The following LRRN1 variants were observed in gnomAD, a reference collection of about 807,000 sequenced individuals.
LRRN1 encodes leucine-rich repeat neuronal protein 1.
Under a neutral mutation model 45.8 loss-of-function variants are expected in LRRN1, and 14 were observed. That is an observed-to-expected ratio of 0.31 (90% CI 0.20 to 0.48). LRRN1 has a LOEUF of 0.48. Ranked by LOEUF, LRRN1 falls within the 20% of genes least tolerant of loss-of-function variation. The pLI is 0.99. For missense variants in LRRN1, 789 were observed against 874.2 expected, an observed-to-expected ratio of 0.90 and a Z score of 1.23; for synonymous variants, 359 against 330.1, an observed-to-expected ratio of 1.09 and a Z score of -0.95.
intron 1 of LRRN1, among the ~76,000 whole-genome samples, chr3:3,830,593 G>A (rs1222269599): frequency 6.6e-6 from 1 of 152,188 alleles, no homozygotes; most frequent in Admixed American, 6.5e-5. Flanking sequence ...ACTGATCATA[G>A]GGAACTCCCC....
intron 1 of LRRN1, among the ~76,000 whole-genome samples, chr3:3,814,453 G>A (rs1337304652): frequency 6.6e-6 from 1 of 151,850 alleles, no homozygotes; most frequent in Non-Finnish European, 1.5e-5. Context: ...TCCTGCGGTA[G>A]CTCACTCAGG....
chr3:3,843,284 C>T lies in LRRN1; in HGVS notation c.-278-1080C>T, dbSNP rs142667559. On this transcript the variant is annotated intron_variant, in intron 1 of 1. Coordinates refer to ENST00000319331, the MANE Select transcript of LRRN1 (RefSeq NM_020873.7). ...GACATTCTCACGAGATTAATGAGATCATCTGTGTGAGATACAAATACATCT... is the reference window on the plus strand; with the variant it reads ...GACATTCTCACGAGATTAATGAGATTATCTGTGTGAGATACAAATACATCT... 1.2e-4 allele frequency among the ~76,000 whole-genome samples: 18 copies of T among 152,276 alleles called. No individual in the cohort carries two copies. The East Asian group carries it at 3.3e-3, about 28-fold the overall frequency.
Position 3,849,352 on chromosome 3 carries a change from A to T in LRRN1, c.*2560A>T, listed in dbSNP as rs1205393261. Among the ~76,000 whole-genome samples, 1 of 152,244 alleles carries T rather than the reference A, an allele frequency of 6.6e-6. No homozygotes were observed. The highest frequency in any genetic ancestry group is 2.4e-5 in the African/African-American group (1 of 41,468). ...AAAAACCCCTTTTACATTTTTCTTC[A>T]GTAAAGTACTGGAACTTACTTTTCC... On this transcript the variant is annotated 3_prime_UTR_variant, in exon 2 of 2. Coordinates refer to ENST00000319331, the MANE Select transcript of LRRN1 (RefSeq NM_020873.7).
At chr3:3,822,179 A>G (rs1433101847) in intron 1 of LRRN1, among the ~76,000 whole-genome samples, 2 of 152,168 alleles carry the variant, frequency 1.3e-5, no homozygotes, top group Non-Finnish European at 2.9e-5. Flanking sequence ...GATGGCATTC[A>G]CCTCATAGCG....
At chr3:3,839,390 T>C (rs1021475682) in intron 1 of LRRN1, among the ~76,000 whole-genome samples, 2 of 152,194 alleles carry the variant, frequency 1.3e-5, no homozygotes, top group Admixed American at 1.3e-4. Context: ...TCTTGATTAC[T>C]GTTGCCTTAC....
rs1216694155 is a variant in LRRN1, at chr3:3,848,258, T to C, written c.*1466T>C. Among the ~76,000 whole-genome samples the C allele has an allele frequency of 1.3e-5, 2 of 152,168 alleles. No individual in the cohort carries two copies. Among genetic ancestry groups the C allele is most frequent in the East Asian group, 3.9e-4 (2 of 5,192 alleles). ...AGTTCAAACTTTTCATCCAAATATA[T>C]ATAGACAGTTTTGGAGAATTGTTTC... is the stretch of plus-strand genomic sequence containing the variant. On this transcript the variant is annotated 3_prime_UTR_variant, in exon 2 of 2. Coordinates refer to ENST00000319331, the MANE Select transcript of LRRN1 (RefSeq NM_020873.7).
intron 1 of LRRN1, among the ~76,000 whole-genome samples, chr3:3,823,334 G>C (rs1693144366): frequency 6.6e-6 from 1 of 151,742 alleles, no homozygotes; most frequent in South Asian, 2.1e-4. Flanking sequence ...ATATCTCTAT[G>C]CATCTATTTC....
At position 3,845,448 on chromosome 3, in the gene LRRN1, C is replaced by T. The variant is rs374423494; in HGVS notation, c.807C>T (p.Asp269=). The change falls in exon 2 of 2, where the codon GAC becomes GAT. Residue 269 remains aspartate, a synonymous_variant. Transcript: ENST00000319331. This position sits in a 1 kb window ranked among gnomAD's most constrained non-coding sequence, Gnocchi z 6.5. Reference sequence around the variant, plus strand: ...AAGTTCCAAATTTGAAATTCTTAGACCTCAACAAAAACCCCATTCACAAAA... The same window carrying T: ...AAGTTCCAAATTTGAAATTCTTAGATCTCAACAAAAACCCCATTCACAAAA... The part of the protein sequence containing the change: ...LQKVPNLKFL[D]LNKNPIHKIQ... 1.9e-6 allele frequency: 3 copies of T among 1,613,970 alleles called. No individual in the cohort carries two copies. In the African/African-American group the frequency reaches 4.0e-5, roughly 22 times the overall value.
At chr3:3,809,830 A>G (rs534189987) in intron 1 of LRRN1, among the ~76,000 whole-genome samples, 1 of 152,332 alleles carries the variant, frequency 6.6e-6, no homozygotes, top group South Asian at 2.1e-4. Context: ...TCCTCTTCCA[A>G]GGTACATACT....
At chr3:3,803,878 A>C (rs2106449135) in intron 1 of LRRN1, among the ~76,000 whole-genome samples, 1 of 152,320 alleles carries the variant, frequency 6.6e-6, no homozygotes, top group East Asian at 1.9e-4. Context: ...TGCTTTACAG[A>C]TCTGTTACAG....
chr3:3,810,543 G>A (rs1430899307), intron 1 of LRRN1, among the ~76,000 whole-genome samples: 1 of 152,144 alleles, frequency 6.6e-6, no homozygotes, highest in Non-Finnish European at 1.5e-5. Context: ...CTGGAAGCAA[G>A]AGAAAGTCAC....
At chr3:3,804,490 G>A (rs1460975396) in intron 1 of LRRN1, among the ~76,000 whole-genome samples, 1 of 152,194 alleles carries the variant, frequency 6.6e-6, no homozygotes, top group Non-Finnish European at 1.5e-5. Context: ...TGACTTTAGA[G>A]TACCCTCTAA....
intron 1 of LRRN1, among the ~76,000 whole-genome samples, chr3:3,806,892 C>G (rs1692773125): frequency 1.3e-5 from 2 of 152,056 alleles, no homozygotes; most frequent in South Asian, 4.1e-4. Flanking sequence ...GCTCCTCTTC[C>G]CAGCACAAGT....
chr3:3,834,199 T>A (rs1468089865), intron 1 of LRRN1, among the ~76,000 whole-genome samples: 1 of 151,984 alleles, frequency 6.6e-6, no homozygotes, highest in Non-Finnish European at 1.5e-5. Flanking sequence ...ACCAACCAGC[T>A]TCATTGTGTT....
rs1692988047 is a variant in LRRN1, at chr3:3,816,439, CAG to C, written c.-279+16522_-279+16523del. On this transcript the variant is annotated intron_variant, in intron 1 of 1. Transcript: ENST00000319331. The surrounding 1 kb of genome is among the most constrained non-coding windows in gnomAD (Gnocchi z 4.0). Reference sequence around the variant, plus strand: ...CAAAACAATTAAAAAACCTGATTAACAGAAATCCTAATTAACTAGATCCCCTC... The same window carrying C: ...CAAAACAATTAAAAAACCTGATTAACAAATCCTAATTAACTAGATCCCCTC... Among the ~76,000 whole-genome samples, 1 of 152,050 alleles carries C rather than the reference CAG, an allele frequency of 6.6e-6. No individual in the cohort carries two copies. Among genetic ancestry groups the C allele is most frequent in the South Asian group, 2.1e-4 (1 of 4,826 alleles).
intron 1 of LRRN1, among the ~76,000 whole-genome samples, chr3:3,819,108 C>G: frequency 6.6e-6 from 1 of 152,174 alleles, no homozygotes; most frequent in East Asian, 1.9e-4. Context: ...CTGCTTCAGC[C>G]TCCTAAGTAG....
chr3:3,834,957 T>C (rs1292972506), intron 1 of LRRN1, among the ~76,000 whole-genome samples: 2 of 152,276 alleles, frequency 1.3e-5, no homozygotes, highest in East Asian at 1.9e-4. Context: ...TAATGCTTTG[T>C]ATCCCTCAAT....
rs1255723801 is a variant in LRRN1, at chr3:3,845,933, T to A, written c.1292T>A (p.Phe431Tyr). Residue 431 changes from phenylalanine to tyrosine, a missense_variant, in exon 2 of 2, where the codon TTC becomes TAC. Physicochemically the swap from Phe to Tyr is conservative, Grantham distance 22. Transcript: ENST00000319331. The surrounding 1 kb of genome is among the most constrained non-coding windows in gnomAD (Gnocchi z 6.5). ...QCLPMISHDSFPNRLNVDIGT... is the reference protein window; with the variant it reads ...QCLPMISHDSYPNRLNVDIGT... ...CTCCCAATGATATCTCACGACAGCTTCCCAAATCGTTTAAACGTGGATATC... is the reference window on the plus strand; with the variant it reads ...CTCCCAATGATATCTCACGACAGCTACCCAAATCGTTTAAACGTGGATATC... 6.2e-7 allele frequency: 1 copy of A among 1,613,992 alleles called. No individual in the cohort carries two copies. The highest frequency in any genetic ancestry group is 8.5e-7 in the Non-Finnish European group (1 of 1,180,000).
At chr3:3,835,737 AT>A (rs1361263819) in intron 1 of LRRN1, among the ~76,000 whole-genome samples, 1 of 152,144 alleles carries the variant, frequency 6.6e-6, no homozygotes, top group African/African-American at 2.4e-5. Context: ...TTAAACTAAT[AT>A]CCTATCTGAC....
Sources: allele counts gnomAD v4.1 joint callset (sites outside exome capture counted in the v4.1 genomes callset), GRCh38; gene constraint gnomAD v4.1.1; non-coding constraint Gnocchi (gnomAD v3.1); transcripts MANE v1.5; gene names NCBI Gene and HGNC (gene_info 2026-07-23, HGNC 2026-07-21).